Variants in HMCN1 observed in about 807,000 individuals in gnomAD.
HMCN1 encodes hemicentin 1.
Under a neutral mutation model 625.9 loss-of-function variants are expected in HMCN1, and 321 were observed. That is an observed-to-expected ratio of 0.51 (90% CI 0.47 to 0.56). HMCN1 has a LOEUF of 0.56. Ranked by LOEUF, HMCN1 falls within the 20% of genes least tolerant of loss-of-function variation. The pLI is 0.00. For missense variants in HMCN1, 6,588 were observed against 6,887.3 expected (o/e 0.96, Z 1.54); for synonymous variants, 2,425 against 2,417.6 (o/e 1.00, Z -0.09).
In HMCN1 at chr1:185,789,498, A is replaced by G. The variant is rs140103521; in HGVS notation, c.268+54451A>G. Among the ~76,000 whole-genome samples the G allele has an allele frequency of 3.9e-3, 597 of 152,338 alleles. 3 individuals are homozygous for G. The highest frequency in any genetic ancestry group is 5.5e-3 in the Non-Finnish European group (376 of 68,018). ...GTTAATTAGAAAGCATATCACACAC[A>G]TTGATCACTTCGTGACTTTGTATGT... is the stretch of plus-strand genomic sequence containing the variant. On this transcript the variant is annotated intron_variant, in intron 1 of 106. Transcript: ENST00000271588.
At chr1:186,000,419 G>T (rs1374553569) in intron 26 of HMCN1, among the ~76,000 whole-genome samples, 180 bp downstream of exon 26, 1 of 151,730 alleles carries the variant, frequency 6.6e-6, no homozygotes, top group African/African-American at 2.4e-5. Context: ...ATTTTTTATT[G>T]TGACTTTACA....
intron 68 of HMCN1, among the ~76,000 whole-genome samples, chr1:186,098,428 A>G (rs1660238091): frequency 6.6e-6 from 1 of 152,194 alleles, no homozygotes; most frequent in South Asian, 2.1e-4. Context: ...GCCAAGAGGT[A>G]TATGAAAAAA....
At chr1:185,794,425 T>C (rs1658221105) in intron 1 of HMCN1, among the ~76,000 whole-genome samples, 5 of 149,896 alleles carry the variant, frequency 3.3e-5, no homozygotes, top group Admixed American at 3.3e-4. Context: ...ATCTGCAAGC[T>C]GAGGAGTAAG....
chr1:185,970,554 T>G (rs2101969869), intron 15 of HMCN1, 61 bp downstream of exon 15: 2 of 1,385,914 alleles, frequency 1.4e-6, no homozygotes, highest in Non-Finnish European at 2.1e-6. Flanking sequence ...TTTTCATGTT[T>G]AATAACCTTG....
chr1:186,171,212 A>G, intron 100 of HMCN1, 125 bp from the exon 101 acceptor site: 1 of 723,750 alleles, frequency 1.4e-6, no homozygotes, highest in Non-Finnish European at 2.5e-6. Context: ...TGAGTGCAAT[A>G]TATTGGATAG....
chr1:186,158,413 T>A (rs1043632089), intron 97 of HMCN1, among the ~76,000 whole-genome samples: 4 of 152,190 alleles, frequency 2.6e-5, no homozygotes, highest in African/African-American at 9.7e-5. Context: ...GTAGTTTCTT[T>A]TGCTGTGCAG....
At chr1:185,822,550 GCTACATTAAAGTA>G (rs1278493126) in intron 1 of HMCN1, among the ~76,000 whole-genome samples, 1 of 152,080 alleles carries the variant, frequency 6.6e-6, no homozygotes, top group Admixed American at 6.6e-5. Context: ...TCCTCACACA[GCTACATTAAAGTA>G]CTTGATTAAG....
At chr1:186,158,515 T>C (rs1419880689) in intron 97 of HMCN1, among the ~76,000 whole-genome samples, 2 of 152,182 alleles carry the variant, frequency 1.3e-5, no homozygotes, top group African/African-American at 4.8e-5. Context: ...TTGCCTGTGC[T>C]TATGTCCTGA....
intron 97 of HMCN1, among the ~76,000 whole-genome samples, chr1:186,163,343 T>C (rs1445693595): frequency 1.3e-5 from 2 of 152,244 alleles, no homozygotes; most frequent in Admixed American, 6.5e-5. Context: ...GGGAACTCCC[T>C]GACCTCTTGC....
intron 68 of HMCN1, among the ~76,000 whole-genome samples, chr1:186,096,616 C>A (rs1432629136): frequency 6.6e-6 from 1 of 152,084 alleles, no homozygotes. Flanking sequence ...AACCCAATAT[C>A]CCTTATCAAC....
At chr1:185,796,137 A>G (rs1658356642) in intron 1 of HMCN1, among the ~76,000 whole-genome samples, 2 of 152,274 alleles carry the variant, frequency 1.3e-5, no homozygotes, top group Middle Eastern at 3.4e-3. Flanking sequence ...CAGTGAAAGG[A>G]TGTGGTTTGA....
At chr1:186,153,507 C>T (rs933509314) in intron 96 of HMCN1, among the ~76,000 whole-genome samples, 4 of 151,900 alleles carry the variant, frequency 2.6e-5, no homozygotes, top group Non-Finnish European at 5.9e-5. Context: ...TTTCTACAAA[C>T]TTATTTTTCT....
intron 15 of HMCN1, among the ~76,000 whole-genome samples, chr1:185,971,989 G>A (rs147463430): frequency 5.0e-4 from 76 of 152,270 alleles, no homozygotes; most frequent in African/African-American, 1.8e-3. Context: ...TAGCAAGCAA[G>A]ATGTAAAACA....
In HMCN1 at chr1:186,076,515, A is replaced by G. The variant is rs748305324; in HGVS notation, c.8378A>G (p.Asn2793Ser). ...GAAGCCAAAGATGTGATCATCAACA[A>G]TCCCATTTCTCTTTACTGTGAGACA... The part of the protein sequence containing the change: ...NGEAKDVIIN[N>S]PISLYCETNA... The change falls in exon 54 of 107, where the codon AAT (asparagine) becomes AGT (serine). Residue 2793 changes from asparagine to serine, a missense_variant. Asn to Ser is a conservative substitution (Grantham distance 46, BLOSUM62 1). Transcript: ENST00000271588. 1 of 1,613,786 alleles carries G rather than the reference A, an allele frequency of 6.2e-7. No individual in the cohort carries two copies. Among genetic ancestry groups the G allele is most frequent in the Non-Finnish European group, 8.5e-7 (1 of 1,179,820 alleles).
At chr1:185,813,186 A>G (rs934662350) in intron 1 of HMCN1, among the ~76,000 whole-genome samples, 13 of 152,198 alleles carry the variant, frequency 8.5e-5, no homozygotes, top group African/African-American at 2.9e-4. Flanking sequence ...GAATAAGTAT[A>G]CTTACATAAC....
chr1:186,124,993 C>CA (rs1182622726), intron 81 of HMCN1, among the ~76,000 whole-genome samples: 1 of 152,046 alleles, frequency 6.6e-6, no homozygotes, highest in Non-Finnish European at 1.5e-5. Context: ...ATTTGAGTCA[C>CA]AGGAAGTATT....
chr1:185,989,741 C>A (rs1652281694), intron 21 of HMCN1, 94 bp downstream of exon 21: 8 of 1,151,556 alleles, frequency 6.9e-6, no homozygotes, highest in Non-Finnish European at 1.0e-5. Context: ...GATGCATGTA[C>A]CCCTAAAGTG....
chr1:186,064,039 A>C (rs1678761115), intron 48 of HMCN1, among the ~76,000 whole-genome samples: 2 of 152,160 alleles, frequency 1.3e-5, no homozygotes, highest in African/African-American at 4.8e-5. Context: ...AATAAATTCA[A>C]ATAAGCAGAG....
intron 15 of HMCN1, among the ~76,000 whole-genome samples, chr1:185,975,082 G>T (rs986323094): frequency 6.6e-6 from 1 of 152,052 alleles, no homozygotes; most frequent in Non-Finnish European, 1.5e-5. Flanking sequence ...GTCCATCACC[G>T]CATTTACCTG....
Sources: gnomAD v4.1 joint callset for allele counts (sites outside exome capture counted in the v4.1 genomes callset) on GRCh38, gnomAD v4.1.1 for gene constraint, MANE v1.5 for transcripts, NCBI Gene and HGNC (gene_info 2026-07-23, HGNC 2026-07-21) for gene names.